Variants in RBFOX1 observed in about 807,000 individuals in gnomAD.
RBFOX1 encodes RNA binding protein fox-1 homolog 1.
RBFOX1 carries 8 observed loss-of-function variants against 57.7 expected under a neutral mutation model. That is an observed-to-expected ratio of 0.14 (90% CI 0.08 to 0.25). RBFOX1 has a LOEUF of 0.25. Among genes scored for constraint, RBFOX1 ranks in the 10% least tolerant of loss-of-function variants. RBFOX1 has a pLI of 1.00. For synonymous variants in RBFOX1, 326 were observed against 222.4 expected (o/e 1.47, Z -4.15); for missense variants, 611 against 548.5 (o/e 1.11, Z -1.14).
chr16:6,864,309 TTATCC>T (rs1381915073), intron 3 of RBFOX1, among the ~76,000 whole-genome samples: 1 of 152,180 alleles, frequency 6.6e-6, no homozygotes, highest in Non-Finnish European at 1.5e-5. Context: ...CATTCTTTCC[TTATCC>T]TATCCAGTTA....
chr16:5,610,130 T>C (rs1207521574), intron 3 of RBFOX1, among the ~76,000 whole-genome samples: 2 of 152,262 alleles, frequency 1.3e-5, no homozygotes, highest in South Asian at 4.2e-4. Flanking sequence ...GCAGGGAGTT[T>C]TCTGAATTTC....
intron 5 of RBFOX1, among the ~76,000 whole-genome samples, chr16:7,578,495 G>C (rs986409260): frequency 1.3e-5 from 2 of 152,142 alleles, no homozygotes; most frequent in African/African-American, 4.8e-5. Context: ...ACATACCAGG[G>C]CTGATGAGAA....
rs1076332 is a variant in RBFOX1, at chr16:5,435,078, G to A, written c.220-32138G>A. ...GCAAAAGCAGTAAATGATATTTGTTGTAGAATAAATAATGCAGTTAGACTG... is the reference window on the plus strand; with the variant it reads ...GCAAAAGCAGTAAATGATATTTGTTATAGAATAAATAATGCAGTTAGACTG... On this transcript the variant is annotated intron_variant, in intron 1 of 2. Coordinates refer to the RBFOX1 transcript ENST00000585867. 1.1e-3 allele frequency among the ~76,000 whole-genome samples: 168 copies of A among 152,288 alleles called. 1 individual carries two copies. Among genetic ancestry groups the A allele is most frequent in the East Asian group, 9.3e-3 (48 of 5,180 alleles).
At chr16:7,248,822 A>G (rs895801338) in intron 4 of RBFOX1, among the ~76,000 whole-genome samples, 3 of 152,168 alleles carry the variant, frequency 2.0e-5, no homozygotes, top group African/African-American at 7.2e-5. Context: ...TGCCTTTTTG[A>G]GTAATCATTT....
chr16:5,793,744 C>T (rs143520354), intron 3 of RBFOX1, among the ~76,000 whole-genome samples: 5 of 151,988 alleles, frequency 3.3e-5, no homozygotes, highest in Admixed American at 6.6e-5. Context: ...CATGTGCCTT[C>T]GTGTGTGTGT....
rs1280958891 is a variant in RBFOX1 at position 5,321,849 on chromosome 16, T to A, written c.219+81744T>A. ...CTGGGGAGAAGATTCTGAGCCTGTC[T>A]TCATCCAAGGTGACCTCTGTAGCAC... On this transcript the variant is annotated intron_variant, in intron 1 of 2. Transcript: ENST00000585867. Among the ~76,000 whole-genome samples the A allele has an allele frequency of 2.0e-5, 3 of 152,114 alleles. No homozygotes were observed. In the East Asian group the frequency reaches 5.8e-4, roughly 29 times the overall value.
intron 4 of RBFOX1, among the ~76,000 whole-genome samples, chr16:7,168,885 A>G (rs2152439890): frequency 6.6e-6 from 1 of 152,142 alleles, no homozygotes; most frequent in East Asian, 1.9e-4. Flanking sequence ...GTGTGCCTCT[A>G]TTTTTGTCTT....
In RBFOX1 at chr16:6,094,175, G is replaced by C. The variant is rs557222386; in HGVS notation, c.-127+74183G>C. Among the ~76,000 whole-genome samples, 47 of 152,306 alleles carry C rather than the reference G, an allele frequency of 3.1e-4. No homozygotes were observed. The South Asian group carries it at 3.3e-3, about 11-fold the overall frequency. ...TTGTCCCAAGGACTCATCTGTGTCAGAGGAGGAGATCCTCCCAAAATGTGC... is the reference window on the plus strand; with the variant it reads ...TTGTCCCAAGGACTCATCTGTGTCACAGGAGGAGATCCTCCCAAAATGTGC... On this transcript the variant is annotated intron_variant, in intron 1 of 15. Coordinates refer to ENST00000550418, the MANE Select transcript of RBFOX1 (RefSeq NM_018723.4).
intron 3 of RBFOX1, among the ~76,000 whole-genome samples, chr16:6,977,287 G>C (rs1017026321): frequency 1.3e-4 from 19 of 151,396 alleles, no homozygotes; most frequent in African/African-American, 4.1e-4. Flanking sequence ...TGTGATAAAG[G>C]ATTAATTTTC....
chr16:5,838,925 G>A (rs2056543164), intron 3 of RBFOX1, among the ~76,000 whole-genome samples: 2 of 152,172 alleles, frequency 1.3e-5, no homozygotes, highest in Admixed American at 1.3e-4. Flanking sequence ...ACTTTGAGAG[G>A]TGTGCTTCTC....
At chr16:5,438,134 G>A (rs1269181340) in intron 1 of RBFOX1, among the ~76,000 whole-genome samples, 1 of 152,138 alleles carries the variant, frequency 6.6e-6, no homozygotes, top group East Asian at 1.9e-4. Context: ...TGATCTTTGT[G>A]GATATTACAC....
At chr16:5,564,266 C>T (rs2045985812) in intron 2 of RBFOX1, among the ~76,000 whole-genome samples, 1 of 152,062 alleles carries the variant, frequency 6.6e-6, no homozygotes, top group African/African-American at 2.4e-5. Context: ...AATCCACCTG[C>T]CTCACACTCC....
chr16:5,511,879 C>T (rs2043605603), intron 2 of RBFOX1, among the ~76,000 whole-genome samples: 1 of 152,172 alleles, frequency 6.6e-6, no homozygotes, highest in Non-Finnish European at 1.5e-5. Context: ...TTGAGTACAT[C>T]CTGCATGAAG....
At chr16:5,956,082 C>T (rs185950394) in intron 4 of RBFOX1, among the ~76,000 whole-genome samples, 1 of 152,070 alleles carries the variant, frequency 6.6e-6, no homozygotes, top group African/African-American at 2.4e-5. Context: ...TCAAGACCAG[C>T]CTGGCCAACA....
intron 4 of RBFOX1, among the ~76,000 whole-genome samples, chr16:5,974,561 G>T (rs1005305095): frequency 1.3e-5 from 2 of 152,158 alleles, no homozygotes; most frequent in East Asian, 3.9e-4. Context: ...AGTGAGCTGA[G>T]ATGGCACCAT....
intron 3 of RBFOX1, among the ~76,000 whole-genome samples, chr16:6,980,783 C>T (rs1176314535): frequency 6.6e-6 from 1 of 152,136 alleles, no homozygotes; most frequent in African/African-American, 2.4e-5. Context: ...TAGCTCATGC[C>T]TGTAATCCCA....
chr16:5,710,271 C>T (rs1008617051), intron 3 of RBFOX1, among the ~76,000 whole-genome samples: 6 of 152,164 alleles, frequency 3.9e-5, no homozygotes, highest in African/African-American at 1.4e-4. Context: ...CAATGTCACA[C>T]AGCTTGTAAG....
intron 3 of RBFOX1, among the ~76,000 whole-genome samples, chr16:7,047,678 T>C (rs2048440542): frequency 1.4e-5 from 2 of 146,888 alleles, no homozygotes; most frequent in South Asian, 2.2e-4. Flanking sequence ...ACATGAAATA[T>C]TGTACGTTTT....
At chr16:6,954,468 C>T (rs1203498174) in intron 3 of RBFOX1, among the ~76,000 whole-genome samples, 1 of 152,064 alleles carries the variant, frequency 6.6e-6, no homozygotes, top group Admixed American at 6.6e-5. Flanking sequence ...GAACAAAACT[C>T]AGTTTAAAAC....
Sources: gnomAD v4.1 joint callset for allele counts (sites outside exome capture counted in the v4.1 genomes callset) on GRCh38, gnomAD v4.1.1 for gene constraint, MANE v1.5 for transcripts, NCBI Gene and HGNC (gene_info 2026-07-23, HGNC 2026-07-21) for gene names.